XPNPEP2: variants seen among roughly 807,000 people sequenced by gnomAD.
XPNPEP2 encodes the protein X-prolyl aminopeptidase 2.
A neutral mutation model predicts 59.8 loss-of-function variants in XPNPEP2; 64 were observed. The observed-to-expected ratio is 1.07, with a 90% CI of 0.87 to 1.32. The LOEUF (loss-of-function observed/expected upper bound fraction) is 1.32, where lower values mean the gene tolerates loss of function less well. XPNPEP2 is among the 40% of genes most tolerant of loss of function. The pLI, the probability that XPNPEP2 is intolerant of heterozygous loss-of-function variation, is 0.00. For synonymous variants in XPNPEP2, 235 were observed against 210.0 expected (o/e 1.12, Z -1.03); for missense variants, 575 against 546.8 (o/e 1.05, Z -0.51).
At chrX:129,747,781 CAACTTGT>C in intron 7 of XPNPEP2, 28 bp downstream of exon 7, 1 of 1,211,199 alleles carries the variant, frequency 8.3e-7, no homozygotes, top group Non-Finnish European at 1.1e-6. Context: ...GTTTCCTTCC[CAACTTGT>C]AGCAACGCAG....
intron 5 of XPNPEP2, 43 bp from the exon 6 acceptor site, chrX:129,746,552 G>T: frequency 8.6e-7 from 1 of 1,156,756 alleles, no homozygotes; most frequent in Non-Finnish European, 1.2e-6. Flanking sequence ...CCTGGGGCTG[G>T]CCCTGAAGGT....
In XPNPEP2 at chrX:129,751,489, C is replaced by T. The variant is rs1020462705; in HGVS notation, c.740-256C>T. Among the ~76,000 whole-genome samples, 4 of 95,525 alleles carry T rather than the reference C, an allele frequency of 4.2e-5. No individual in the cohort carries two copies. The South Asian group carries it at 2.1e-3, about 51-fold the overall frequency. 83.0% of individuals were successfully genotyped at this position (95,525 alleles called of 115,157 possible). On this transcript the variant is annotated intron_variant, in intron 8 of 20. Transcript: ENST00000371106. Reference sequence around the variant, plus strand: ...CTGCACTCCAGCCTGGGTGACAGAGCAAGATACTGTCAAAAAAGAAAGAAA... The same window carrying T: ...CTGCACTCCAGCCTGGGTGACAGAGTAAGATACTGTCAAAAAAGAAAGAAA...
intron 13 of XPNPEP2, among the ~76,000 whole-genome samples, chrX:129,756,133 C>T (rs143747649): frequency 1.9e-3 from 215 of 112,804 alleles, no homozygotes; most frequent in Middle Eastern, 4.6e-3. Flanking sequence ...CTTTACCGCG[C>T]ATCCTCGTGC....
chrX:129,747,638 A>G lies in XPNPEP2; in HGVS notation c.522A>G (p.Gln174=). 1 of 1,211,763 alleles carries G rather than the reference A, an allele frequency of 8.3e-7. No individual in the cohort carries two copies. The highest frequency in any genetic ancestry group is 1.1e-6 in the Non-Finnish European group (1 of 895,561). The change falls in exon 7 of 21, where the codon CAA becomes CAG. Residue 174 remains glutamine (Q), a synonymous_variant. Coordinates refer to ENST00000371106, the MANE Select transcript of XPNPEP2 (RefSeq NM_003399.6). ...GGGAGAGTTATGATCTGGCCCTCCA[A>G]GGCTCTAACAGACAGCTGGTGTCCA... is the stretch of plus-strand genomic sequence containing the variant. ...DTWESYDLAL[Q]GSNRQLVSIT... is the part of the protein sequence containing the mutation.
intron 14 of XPNPEP2, among the ~76,000 whole-genome samples, chrX:129,756,845 G>T (rs1421696662): frequency 9.3e-6 from 1 of 107,271 alleles, no homozygotes; most frequent in Non-Finnish European, 1.9e-5. Flanking sequence ...TTGTTTGTTT[G>T]TTTCTTGACA....
chrX:129,755,265 T>C (rs770216781), intron 12 of XPNPEP2, 29 bp from the exon 13 acceptor site: 2 of 1,200,885 alleles, frequency 1.7e-6, no homozygotes, highest in Non-Finnish European at 2.3e-6. Flanking sequence ...GGCCCATTCA[T>C]TGACCATGCC....
intron 14 of XPNPEP2, among the ~76,000 whole-genome samples, chrX:129,757,063 T>TACACAC (rs745496024): frequency 1.2e-5 from 1 of 84,841 alleles, no homozygotes; most frequent in African/African-American, 5.9e-5. Context: ...CACATATATA[T>TACACAC]ACACACACAT....
chrX:129,761,912 G>C lies in XPNPEP2; in HGVS notation c.1604-94G>C, dbSNP rs748556147. The C allele has an allele frequency of 1.1e-5, 10 of 884,580 alleles. No individual in the cohort carries two copies. The South Asian group carries it at 1.6e-4, about 14-fold the overall frequency. 72.9% of individuals were successfully genotyped at this position (884,580 alleles called of 1,213,427 possible). ...GACCTGTGCTCATAGAGATGCTCTG[G>C]GATCCTCACTTATCTGCTCTTCCTC... is the stretch of plus-strand genomic sequence containing the variant. On this transcript the variant is annotated intron_variant, in intron 17 of 20. Coordinates refer to ENST00000371106, the MANE Select transcript of XPNPEP2 (RefSeq NM_003399.6).
chrX:129,759,245 G>A lies in XPNPEP2; in HGVS notation c.1428+5G>A, dbSNP rs1404481704. The A allele has an allele frequency of 5.0e-6, 6 of 1,211,735 alleles. No homozygotes were observed. The highest frequency in any genetic ancestry group is 5.6e-6 in the Non-Finnish European group (5 of 895,436). On this transcript the variant is annotated splice_donor_5th_base_variant and intron_variant, in intron 15 of 20. Transcript: ENST00000371106. ...ACCCCCTCTGCCTTCCAGAAGGTAA[G>A]CATGGGCCCAGATTTCCCCTCACCA...
chrX:129,756,896 G>A (rs1332385544), intron 14 of XPNPEP2, among the ~76,000 whole-genome samples: 2 of 105,072 alleles, frequency 1.9e-5, no homozygotes, highest in South Asian at 4.4e-4. Context: ...GCAGTGGCGC[G>A]ATCTTGGCTC....
rs1926199580 is a variant in XPNPEP2, at chrX:129,742,177, C to T, written c.119C>T (p.Pro40Leu). The T allele has an allele frequency of 8.4e-7, 1 of 1,188,297 alleles. No homozygotes were observed. The highest frequency in any genetic ancestry group is 1.1e-6 in the Non-Finnish European group (1 of 881,589). Reference protein sequence around the residue: ...GQDVRNCSTNPPYLPVTVVNT... With the variant: ...GQDVRNCSTNLPYLPVTVVNT... ...GATGTGAGAAACTGTTCCACCAACC[C>T]CCCTGTGAGTGCCCCCTGCCCCCCG... Residue 40 changes from proline to leucine, a missense_variant, in exon 2 of 21, where the codon CCC becomes CTC. Coordinates refer to ENST00000371106, the MANE Select transcript of XPNPEP2 (RefSeq NM_003399.6).
chrX:129,756,820 T>G (rs1392762850), intron 14 of XPNPEP2, among the ~76,000 whole-genome samples: 1 of 106,426 alleles, frequency 9.4e-6, no homozygotes, highest in Non-Finnish European at 1.9e-5. Context: ...TAAGTTGCTG[T>G]TTTTTGTGGG....
chrX:129,742,063 C>T, intron 1 of XPNPEP2, 45 bp from the exon 2 acceptor site: 1 of 1,165,846 alleles, frequency 8.6e-7, no homozygotes, highest in Non-Finnish European at 1.2e-6. Context: ...TCTCTAGGAA[C>T]TAGCTGGTCC....
intron 1 of XPNPEP2, among the ~76,000 whole-genome samples, chrX:129,740,401 C>A (rs1422351898): frequency 9.0e-6 from 1 of 111,556 alleles, no homozygotes; most frequent in Admixed American, 9.4e-5. Context: ...CCATGGCAGG[C>A]GGATCACTTG....
intron 18 of XPNPEP2, among the ~76,000 whole-genome samples, chrX:129,762,433 A>T (rs1212303699): frequency 1.8e-5 from 2 of 111,839 alleles, no homozygotes; most frequent in East Asian, 2.8e-4. Context: ...TCAGGACCCA[A>T]GTGGGTTTTT....
intron 9 of XPNPEP2, 67 bp from the exon 10 acceptor site, chrX:129,752,083 A>G: frequency 8.8e-7 from 1 of 1,135,182 alleles, no homozygotes; most frequent in East Asian, 3.0e-5. Context: ...AGGGACTGTG[A>G]CTGCCTCTGG....
At position 129,750,557 on chromosome X, in the gene XPNPEP2, G is replaced by T; in HGVS notation, c.727G>T (p.Glu243Ter). 1 of 1,185,752 alleles carries T rather than the reference G, an allele frequency of 8.4e-7. No individual in the cohort carries two copies. Among genetic ancestry groups the T allele is most frequent in the Non-Finnish European group, 1.1e-6 (1 of 882,761 alleles). Reference sequence around the variant, plus strand: ...GACTGCCGTCCTTCTGTCGGCGCTTGAGGAGACGGCCTGTGAGTGTGGATT... The same window carrying T: ...GACTGCCGTCCTTCTGTCGGCGCTTTAGGAGACGGCCTGTGAGTGTGGATT... ...VPTAVLLSAL[E>*]ETAWLFNLRA... Residue 243 changes from glutamate to a stop codon, truncating the protein, a stop_gained, in exon 8 of 21, where the codon GAG (glutamate) becomes TAG (stop). Coordinates refer to ENST00000371106, the MANE Select transcript of XPNPEP2 (RefSeq NM_003399.6). LOFTEE classifies it high-confidence loss of function.
At chrX:129,739,581 C>T (rs1334519855) in intron 1 of XPNPEP2, among the ~76,000 whole-genome samples, 1 of 112,263 alleles carries the variant, frequency 8.9e-6, no homozygotes, top group African/African-American at 3.2e-5. Flanking sequence ...GAAAAGACTT[C>T]CAGGGATCTG....
intron 12 of XPNPEP2, 97 bp downstream of exon 12, chrX:129,754,678 G>A (rs1403752098): frequency 2.4e-6 from 2 of 830,695 alleles, no homozygotes; most frequent in Non-Finnish European, 3.4e-6. Context: ...CAGAAAGGAA[G>A]ATCCTCCTCA....
Sources: allele counts gnomAD v4.1 joint callset (sites outside exome capture counted in the v4.1 genomes callset), GRCh38; gene constraint gnomAD v4.1.1; transcripts MANE v1.5; gene names NCBI Gene and HGNC (gene_info 2026-07-23, HGNC 2026-07-21).